GALNTL6: variants seen among roughly 807,000 people sequenced by gnomAD.
The protein encoded by GALNTL6 is polypeptide N-acetylgalactosaminyltransferase-like 6.
Under a neutral mutation model 73.7 loss-of-function variants are expected in GALNTL6, and 46 were observed. That is an observed-to-expected ratio of 0.62 (90% CI 0.49 to 0.80). The LOEUF (loss-of-function observed/expected upper bound fraction) is 0.80. Ranked by LOEUF, GALNTL6 falls within the 30% of genes least tolerant of loss-of-function variation. The pLI, the probability that GALNTL6 is intolerant of heterozygous loss-of-function variation, is 0.00. For synonymous variants in GALNTL6, 259 were observed against 263.7 expected (o/e 0.98, Z 0.17); for missense variants, 604 against 755.0 (o/e 0.80, Z 2.34).
chr4:172,691,996 G>A (rs1733332353), intron 5 of GALNTL6, among the ~76,000 whole-genome samples: 1 of 151,572 alleles, frequency 6.6e-6, no homozygotes, highest in African/African-American at 2.4e-5. Flanking sequence ...AAAATTGAGA[G>A]TTGTATTCAG....
intron 5 of GALNTL6, among the ~76,000 whole-genome samples, chr4:172,494,768 A>G (rs1463338115): frequency 6.6e-6 from 1 of 152,214 alleles, no homozygotes; most frequent in Non-Finnish European, 1.5e-5. Context: ...GATGAAGGTC[A>G]GAAGACTCAG....
intron 10 of GALNTL6, among the ~76,000 whole-genome samples, chr4:172,959,300 A>G (rs1454035051): frequency 6.6e-6 from 1 of 152,060 alleles, no homozygotes; most frequent in Non-Finnish European, 1.5e-5. Context: ...ATAGCCCAGG[A>G]ATAGTCAGGG....
intron 5 of GALNTL6, among the ~76,000 whole-genome samples, chr4:172,614,938 A>T (rs1042295832): frequency 2.0e-5 from 3 of 152,182 alleles, no homozygotes; most frequent in Admixed American, 1.3e-4. Context: ...TTTAAAAAAA[A>T]TGTATTCCAG....
chr4:172,935,122 C>T (rs1369225512), intron 9 of GALNTL6, among the ~76,000 whole-genome samples: 3 of 152,184 alleles, frequency 2.0e-5, no homozygotes, highest in Non-Finnish European at 4.4e-5. Flanking sequence ...ATGGGAACAA[C>T]TTGGCCCATG....
intron 5 of GALNTL6, among the ~76,000 whole-genome samples, chr4:172,789,277 G>A (rs1185631559): frequency 6.6e-6 from 1 of 152,176 alleles, no homozygotes; most frequent in African/African-American, 2.4e-5. Flanking sequence ...ACAGCTCACA[G>A]AACTCAGGGA....
rs575968961 is a variant in GALNTL6 at position 172,695,242 on chromosome 4, T to A, written c.554-114119T>A. 5.9e-5 allele frequency among the ~76,000 whole-genome samples: 9 copies of A among 152,290 alleles called. No individual in the cohort carries two copies. In the East Asian group the frequency reaches 1.7e-3, roughly 29 times the overall value. The stretch of plus-strand genomic sequence containing the variant: ...ACAACAACAAAAAAGATGTAATGAT[T>A]TACTCTTGCTAAAAACATCCAGGAA... On this transcript the variant is annotated intron_variant, in intron 5 of 12. Coordinates refer to ENST00000506823, the MANE Select transcript of GALNTL6 (RefSeq NM_001034845.3).
At chr4:172,824,377 A>AGTGT (rs770886009) in intron 7 of GALNTL6, among the ~76,000 whole-genome samples, 4 of 80,226 alleles carry the variant, frequency 5.0e-5, no homozygotes, top group East Asian at 8.0e-4. Flanking sequence ...TGTGTGTGTG[A>AGTGT]GTGTGTGTGT....
At chr4:172,758,715 G>A (rs1737895581) in intron 5 of GALNTL6, among the ~76,000 whole-genome samples, 1 of 152,168 alleles carries the variant, frequency 6.6e-6, no homozygotes, top group Non-Finnish European at 1.5e-5. Context: ...ACTCTGAGTA[G>A]CATGTCAAAA....
chr4:172,237,771 G>A (rs1481428610), intron 3 of GALNTL6, among the ~76,000 whole-genome samples: 2 of 152,004 alleles, frequency 1.3e-5, no homozygotes, highest in Non-Finnish European at 2.9e-5. Flanking sequence ...TTTATATTAT[G>A]TAAGGAAGTG....
At chr4:172,216,460 C>T (rs545502102) in intron 2 of GALNTL6, among the ~76,000 whole-genome samples, 15 of 152,208 alleles carry the variant, frequency 9.9e-5, no homozygotes, top group African/African-American at 3.4e-4. Flanking sequence ...AAGCCCTTCC[C>T]ACCCACTCTG....
intron 5 of GALNTL6, among the ~76,000 whole-genome samples, chr4:172,603,567 AT>A: frequency 6.6e-6 from 1 of 152,342 alleles, no homozygotes; most frequent in African/African-American, 2.4e-5. Context: ...TAAATGGGAA[AT>A]TTCACTTCAG....
At chr4:172,646,662 AT>A (rs1740257612) in intron 5 of GALNTL6, among the ~76,000 whole-genome samples, 1 of 152,006 alleles carries the variant, frequency 6.6e-6, no homozygotes, top group African/African-American at 2.4e-5. Context: ...TAATAACGCC[AT>A]TTTTGTTTTA....
intron 2 of GALNTL6, among the ~76,000 whole-genome samples, chr4:172,093,941 A>G (rs866585688): frequency 1.3e-5 from 2 of 152,196 alleles, no homozygotes; most frequent in Admixed American, 6.6e-5. Context: ...TTACAATGTC[A>G]TAATAGAAAT....
intron 2 of GALNTL6, among the ~76,000 whole-genome samples, chr4:172,150,732 TG>T (rs1734061136): frequency 6.6e-6 from 1 of 152,112 alleles, no homozygotes; most frequent in South Asian, 2.1e-4. Flanking sequence ...AGAGGATCAG[TG>T]GAGGTATACG....
At chr4:172,763,198 A>T (rs1738219184) in intron 5 of GALNTL6, among the ~76,000 whole-genome samples, 1 of 152,156 alleles carries the variant, frequency 6.6e-6, no homozygotes, top group Admixed American at 6.5e-5. Context: ...ATGAATTGAA[A>T]AAAAAAAACA....
intron 7 of GALNTL6, among the ~76,000 whole-genome samples, chr4:172,833,881 G>A (rs982495989): frequency 1.3e-5 from 2 of 152,120 alleles, no homozygotes; most frequent in Non-Finnish European, 1.5e-5. Context: ...TTGGGAGGCC[G>A]AGATGGGTGG....
intron 2 of GALNTL6, among the ~76,000 whole-genome samples, chr4:172,042,446 A>G (rs1442308976): frequency 6.6e-6 from 1 of 152,014 alleles, no homozygotes; most frequent in Non-Finnish European, 1.5e-5. Context: ...ACATAATCAT[A>G]TATCCAATTG....
At chr4:172,724,067 A>T (rs978237121) in intron 5 of GALNTL6, among the ~76,000 whole-genome samples, 1 of 152,162 alleles carries the variant, frequency 6.6e-6, no homozygotes, top group South Asian at 2.1e-4. Flanking sequence ...CTTGGTAAAG[A>T]TCATAAGTCA....
chr4:171,873,101 A>T (rs952851689), intron 2 of GALNTL6, among the ~76,000 whole-genome samples: 12 of 152,306 alleles, frequency 7.9e-5, no homozygotes, highest in African/African-American at 2.9e-4. Flanking sequence ...TGGTTACAGC[A>T]AACAGAAAAA....
Sources: allele counts gnomAD v4.1 joint callset (sites outside exome capture counted in the v4.1 genomes callset), GRCh38; gene constraint gnomAD v4.1.1; transcripts MANE v1.5; gene names NCBI Gene and HGNC (gene_info 2026-07-23, HGNC 2026-07-21).